Variants in AGBL4 observed in about 807,000 individuals in gnomAD.
AGBL4 encodes cytosolic carboxypeptidase 6.
Under a neutral mutation model 66.4 loss-of-function variants are expected in AGBL4, and 58 were observed. That is an observed-to-expected ratio of 0.87 (90% CI 0.71 to 1.09). AGBL4 has a LOEUF of 1.09. Ranked by LOEUF, AGBL4 falls within the 50% of genes least tolerant of loss-of-function variation. The pLI, the probability that AGBL4 is intolerant of heterozygous loss-of-function variation, is 0.00. For synonymous variants in AGBL4, 234 were observed against 222.9 expected, an observed-to-expected ratio of 1.05 and a Z score of -0.44; for missense variants, 579 against 631.0, an observed-to-expected ratio of 0.92 and a Z score of 0.88.
chr1:49,019,104 G>A (rs1474547242), intron 5 of AGBL4, among the ~76,000 whole-genome samples: 2 of 152,212 alleles, frequency 1.3e-5, no homozygotes, highest in African/African-American at 4.8e-5. Context: ...ATCACAAGTT[G>A]GAATAGGCTA....
chr1:49,373,137 T>C (rs1644401039), intron 3 of AGBL4, among the ~76,000 whole-genome samples: 1 of 152,228 alleles, frequency 6.6e-6, no homozygotes, highest in Admixed American at 6.5e-5. Context: ...CTACACTCTG[T>C]ATCTCTCTGA....
At chr1:49,530,282 A>AAAAAAAAAAAAAAAAAAAAAAAAT (rs1558025489) in intron 3 of AGBL4, among the ~76,000 whole-genome samples, 4 of 145,414 alleles carry the variant, frequency 2.8e-5, no homozygotes, top group African/African-American at 5.1e-5. Flanking sequence ...ACAAAAAAAA[A>AAAAAAAAAAAAAAAAAAAAAAAAT]CTCTATGAGT....
chr1:49,881,727 TG>T (rs1647344057), intron 1 of AGBL4, among the ~76,000 whole-genome samples: 1 of 151,346 alleles, frequency 6.6e-6, no homozygotes, highest in Non-Finnish European at 1.5e-5. Context: ...CACTTTTTGA[TG>T]GGGTTGTTTG....
chr1:49,607,933 T>C (rs1353226706), intron 3 of AGBL4, among the ~76,000 whole-genome samples: 1 of 152,162 alleles, frequency 6.6e-6, no homozygotes, highest in Non-Finnish European at 1.5e-5. Context: ...AGGGAATCAG[T>C]AGACAATGTG....
intron 3 of AGBL4, among the ~76,000 whole-genome samples, chr1:49,558,920 A>G (rs1056355365): frequency 6.6e-6 from 1 of 152,156 alleles, no homozygotes; most frequent in African/African-American, 2.4e-5. Flanking sequence ...CAGCTACAGT[A>G]TAATAGAAAA....
chr1:50,016,395 TACTAAAAAACAC>T (rs1475444403), intron 1 of AGBL4, among the ~76,000 whole-genome samples: 1 of 152,052 alleles, frequency 6.6e-6, no homozygotes, highest in Non-Finnish European at 1.5e-5. Flanking sequence ...AACCCACCTC[TACTAAAAAACAC>T]AAAAATTAGC....
At chr1:49,437,259 T>C (rs777699459) in intron 3 of AGBL4, among the ~76,000 whole-genome samples, 2 of 152,198 alleles carry the variant, frequency 1.3e-5, no homozygotes, top group Non-Finnish European at 2.9e-5. Context: ...ACAGAAATAA[T>C]ATGTATCTTC....
At chr1:48,716,117 G>A (rs772882827) in intron 6 of AGBL4, among the ~76,000 whole-genome samples, 11 of 152,176 alleles carry the variant, frequency 7.2e-5, no homozygotes, top group Non-Finnish European at 1.6e-4. Context: ...TCTAATTAGA[G>A]ACTACATATT....
chr1:49,012,065 A>G (rs902368502), intron 5 of AGBL4, among the ~76,000 whole-genome samples: 4 of 151,856 alleles, frequency 2.6e-5, no homozygotes, highest in African/African-American at 4.8e-5. Flanking sequence ...ATAAAAAAAA[A>G]GGAACTCCCC....
At chr1:48,909,877 C>G (rs60845390) in intron 5 of AGBL4, among the ~76,000 whole-genome samples, 4,154 of 152,208 alleles carry the variant, frequency 0.027, 173 homozygotes, top group African/African-American at 0.096. Flanking sequence ...TTTATGTTTC[C>G]TATACATAAT....
chr1:49,835,971 C>CTGTGGGTA (rs748529877), intron 2 of AGBL4, among the ~76,000 whole-genome samples: 45 of 152,164 alleles, frequency 3.0e-4, no homozygotes, highest in Non-Finnish European at 8.8e-5. Context: ...GGGCTTCCCT[C>CTGTGGGTA]TGTGGGTAAC....
intron 9 of AGBL4, among the ~76,000 whole-genome samples, chr1:48,620,829 G>A (rs1045805401): frequency 6.6e-6 from 1 of 152,104 alleles, no homozygotes; most frequent in East Asian, 1.9e-4. Flanking sequence ...GTTTTTGTGT[G>A]TGTATGTGGT....
intron 3 of AGBL4, among the ~76,000 whole-genome samples, chr1:49,576,343 C>T (rs1644436031): frequency 6.6e-6 from 1 of 152,184 alleles, no homozygotes; most frequent in Non-Finnish European, 1.5e-5. Flanking sequence ...GGCCATATGA[C>T]CCAGCAGATC....
At chr1:48,684,136 G>A (rs1646495239) in intron 6 of AGBL4, among the ~76,000 whole-genome samples, 1 of 152,188 alleles carries the variant, frequency 6.6e-6, no homozygotes, top group Non-Finnish European at 1.5e-5. Context: ...CATGCCCAAG[G>A]GCTATCACTA....
intron 2 of AGBL4, among the ~76,000 whole-genome samples, chr1:49,733,962 T>C (rs917348648): frequency 1.3e-5 from 2 of 152,168 alleles, no homozygotes; most frequent in African/African-American, 4.8e-5. Context: ...ATCCCAAGGA[T>C]GCAACATTGG....
intron 3 of AGBL4, among the ~76,000 whole-genome samples, chr1:49,645,356 T>C (rs1645864202): frequency 6.6e-6 from 1 of 151,098 alleles, no homozygotes; most frequent in African/African-American, 2.4e-5. Context: ...TTATGAATAT[T>C]GGGTATGAGA....
intron 3 of AGBL4, chr1:49,527,104 C>T (rs1650716720): frequency 6.6e-6 from 1 of 152,060 alleles, no homozygotes; most frequent in South Asian, 2.1e-4. Flanking sequence ...ATAATAAAAC[C>T]TCTCCTTGAC....
intron 3 of AGBL4, among the ~76,000 whole-genome samples, chr1:49,634,678 C>G (rs71647744): frequency 1.3e-5 from 2 of 152,316 alleles, no homozygotes; most frequent in East Asian, 3.9e-4. Flanking sequence ...ACACTCCCAA[C>G]AACAGTGTAA....
intron 3 of AGBL4, among the ~76,000 whole-genome samples, chr1:49,335,879 A>G (rs1222924585): frequency 6.6e-6 from 1 of 152,178 alleles, no homozygotes; most frequent in East Asian, 1.9e-4. Context: ...GTAACTTTTC[A>G]ATCTCATTTT....
Sources: gnomAD v4.1 joint callset for allele counts (sites outside exome capture counted in the v4.1 genomes callset) on GRCh38, gnomAD v4.1.1 for gene constraint, MANE v1.5 for transcripts, NCBI Gene and HGNC (gene_info 2026-07-23, HGNC 2026-07-21) for gene names.